The following SORCS2 variants were observed in gnomAD, a reference collection of about 807,000 sequenced individuals.
The protein encoded by SORCS2 is VPS10 domain-containing receptor SorCS2.
In SORCS2, 100 loss-of-function variants were observed where a neutral mutation model predicts 141.6. The ratio of observed to expected loss-of-function variants is 0.71; its 90% CI spans 0.60 to 0.83. The LOEUF (loss-of-function observed/expected upper bound fraction) is 0.83, where lower values mean the gene tolerates loss of function less well. Ranked by LOEUF, SORCS2 falls within the 40% of genes least tolerant of loss-of-function variation. The probability of loss-of-function intolerance (pLI) is 0.00; values close to 1 mark genes in which losing one functional copy is unlikely to be tolerated. For synonymous variants in SORCS2, 789 were observed against 676.9 expected (o/e 1.17, Z -2.57); for missense variants, 1,646 against 1,560.2 (o/e 1.05, Z -0.93).
chr4:7,474,618 CA>C (rs898619307), intron 2 of SORCS2, among the ~76,000 whole-genome samples: 2 of 152,144 alleles, frequency 1.3e-5, no homozygotes, highest in African/African-American at 4.8e-5. Context: ...GCCCAGTCCA[CA>C]GTGTCACCAA....
chr4:7,429,083 CA>C (rs1178584882), intron 2 of SORCS2, among the ~76,000 whole-genome samples: 1 of 152,156 alleles, frequency 6.6e-6, no homozygotes, highest in Admixed American at 6.5e-5. Context: ...AGGGTTTGTC[CA>C]GGGGTGGCAG....
chr4:7,670,811 C>T (rs564339143), intron 8 of SORCS2, among the ~76,000 whole-genome samples: 1 of 152,064 alleles, frequency 6.6e-6, no homozygotes, highest in East Asian at 1.9e-4. Flanking sequence ...CTTGAAGGAG[C>T]GGGAGGGTGC....
Position 7,712,791 on chromosome 4 carries a change from C to T in SORCS2, c.1927C>T (p.Pro643Ser). ...GGAGCTGGTCAAGGTGGACTTCCGG[C>T]CCTCATTCTCCAGGCAGTGCGGCGA... ...DWELVKVDFRPSFSRQCGEED... is the reference protein window; with the variant it reads ...DWELVKVDFRSSFSRQCGEED... Residue 643 changes from proline (P) to serine (S), a missense_variant, in exon 15 of 27, where the codon CCC (proline) becomes TCC (serine). Physicochemically the swap from Pro to Ser is moderately conservative, Grantham distance 74. Coordinates refer to ENST00000507866, the MANE Select transcript of SORCS2 (RefSeq NM_020777.3). 6.2e-7 allele frequency: 1 copy of T among 1,613,880 alleles called. No individual in the cohort carries two copies. Among genetic ancestry groups the T allele is most frequent in the African/African-American group, 1.3e-5 (1 of 75,042 alleles).
intron 1 of SORCS2, among the ~76,000 whole-genome samples, chr4:7,366,536 C>T (rs1291270018): frequency 6.6e-6 from 1 of 151,114 alleles, no homozygotes; most frequent in African/African-American, 2.4e-5. Flanking sequence ...CCCTTCCCTC[C>T]AGCCTCACCC....
At chr4:7,541,240 G>A (rs1295434031) in intron 3 of SORCS2, among the ~76,000 whole-genome samples, 2 of 152,160 alleles carry the variant, frequency 1.3e-5, no homozygotes, top group African/African-American at 4.8e-5. Context: ...GTAGGGGTGT[G>A]GGCGCCATTG....
At chr4:7,715,365 G>A (rs1726123374) in intron 17 of SORCS2, 54 bp downstream of exon 17, 5 of 1,597,074 alleles carry the variant, frequency 3.1e-6, no homozygotes, top group Middle Eastern at 3.3e-4. Flanking sequence ...GAGCTGTGGT[G>A]CAGCCCCGAA....
intron 9 of SORCS2, 93 bp downstream of exon 9, chr4:7,676,322 T>A: frequency 7.4e-7 from 1 of 1,344,194 alleles, no homozygotes; most frequent in Non-Finnish European, 1.0e-6. Context: ...CCCTCCCGCC[T>A]GTCTATATAG....
At chr4:7,722,343 C>T (rs1726648820) in intron 18 of SORCS2, among the ~76,000 whole-genome samples, 1 of 152,234 alleles carries the variant, frequency 6.6e-6, no homozygotes, top group Admixed American at 6.5e-5. Context: ...AGCGAGCAGC[C>T]TCCTGGGTCC....
chr4:7,542,531 G>T (rs1409359563), intron 3 of SORCS2, among the ~76,000 whole-genome samples: 1 of 152,180 alleles, frequency 6.6e-6, no homozygotes, highest in East Asian at 1.9e-4. Context: ...GGAGGCCTTG[G>T]AGCCCACGAC....
intron 3 of SORCS2, among the ~76,000 whole-genome samples, chr4:7,637,411 T>A (rs1720333509): frequency 6.6e-6 from 1 of 152,234 alleles, no homozygotes; most frequent in South Asian, 2.1e-4. Context: ...CCGTCCCTGG[T>A]CCTGCTTTGG....
At chr4:7,674,578 T>TAAAAAA (rs377431157) in intron 8 of SORCS2, among the ~76,000 whole-genome samples, 2 of 82,572 alleles carry the variant, frequency 2.4e-5, no homozygotes, top group African/African-American at 3.9e-5. Flanking sequence ...TGTCTCAAAA[T>TAAAAAA]AAAAAAAAAA....
At chr4:7,662,753 A>G (rs1002199536) in intron 6 of SORCS2, among the ~76,000 whole-genome samples, 2 of 152,112 alleles carry the variant, frequency 1.3e-5, no homozygotes, top group African/African-American at 2.4e-5. Context: ...ATATTCACCA[A>G]TTTCATCTAG....
rs1217826785 is a variant in SORCS2, at chr4:7,661,341, AG to A, written c.888-158del. On this transcript the variant is annotated intron_variant, in intron 5 of 26. Coordinates refer to ENST00000507866, the MANE Select transcript of SORCS2 (RefSeq NM_020777.3). Reference sequence around the variant, plus strand: ...ACGCAGAGACTCCAAGCACCTCAGGAGCAGGTGGGGTCCTGGGGTGGTGATG... The same window carrying A: ...ACGCAGAGACTCCAAGCACCTCAGGACAGGTGGGGTCCTGGGGTGGTGATG... Among the ~76,000 whole-genome samples, 8 of 149,418 alleles carry A rather than the reference AG, an allele frequency of 5.4e-5. No individual in the cohort carries two copies. The South Asian group carries it at 1.5e-3, about 27-fold the overall frequency.
chr4:7,353,715 G>A (rs1409913502), intron 1 of SORCS2, among the ~76,000 whole-genome samples: 2 of 152,276 alleles, frequency 1.3e-5, no homozygotes, highest in East Asian at 3.9e-4. Context: ...GCTTTTCTGG[G>A]TCGTGTTTGT....
chr4:7,591,747 C>CCACGGCAGTGATGAAT (rs1296190822), intron 3 of SORCS2, among the ~76,000 whole-genome samples: 1 of 152,190 alleles, frequency 6.6e-6, no homozygotes, highest in Non-Finnish European at 1.5e-5. Flanking sequence ...CTAAAGCGCC[C>CCACGGCAGTGATGAAT]CACGGCAGTG....
intron 2 of SORCS2, among the ~76,000 whole-genome samples, chr4:7,456,492 C>T (rs768512743): frequency 2.0e-5 from 3 of 152,044 alleles, no homozygotes; most frequent in Non-Finnish European, 2.9e-5. Flanking sequence ...GGGGGGGCCT[C>T]CTTTTGAGGA....
intron 1 of SORCS2, among the ~76,000 whole-genome samples, chr4:7,344,501 A>G (rs1054415187): frequency 3.3e-5 from 5 of 152,198 alleles, no homozygotes; most frequent in South Asian, 2.1e-4. Context: ...GGGTCCACAG[A>G]ACAGCCCTAG....
intron 3 of SORCS2, among the ~76,000 whole-genome samples, chr4:7,590,434 C>G (rs1716840111): frequency 6.6e-6 from 1 of 152,188 alleles, no homozygotes. Flanking sequence ...CAGGTCCTCT[C>G]CCAGGGAGAG....
intron 3 of SORCS2, among the ~76,000 whole-genome samples, chr4:7,538,401 G>GGGCC (rs1712302335): frequency 6.6e-6 from 1 of 152,172 alleles, no homozygotes; most frequent in Admixed American, 6.6e-5. Flanking sequence ...GATCAGCTTC[G>GGGCC]GGCCGACAGC....
Sources: allele counts gnomAD v4.1 joint callset (sites outside exome capture counted in the v4.1 genomes callset), GRCh38; gene constraint gnomAD v4.1.1; transcripts MANE v1.5; gene names NCBI Gene and HGNC (gene_info 2026-07-23, HGNC 2026-07-21).